Variants in L3MBTL4 observed in about 807,000 individuals in gnomAD.
L3MBTL4 encodes L3MBTL histone methyl-lysine binding protein 4.
In L3MBTL4, 70 loss-of-function variants were observed where a neutral mutation model predicts 84.5. The observed-to-expected ratio is 0.83, with a 90% CI of 0.68 to 1.01. L3MBTL4 has a LOEUF of 1.01. L3MBTL4 is among the 50% of genes least tolerant of loss of function. L3MBTL4 has a pLI of 0.00. For synonymous variants in L3MBTL4, 274 were observed against 259.8 expected (o/e 1.05, Z -0.52); for missense variants, 715 against 754.8 (o/e 0.95, Z 0.62).
At chr18:6,268,891 T>C (rs546719923) in intron 4 of L3MBTL4, among the ~76,000 whole-genome samples, 1 of 152,306 alleles carries the variant, frequency 6.6e-6, no homozygotes, top group Admixed American at 6.5e-5. Context: ...ATTTACAATA[T>C]TGAATATTAG....
At chr18:6,357,575 C>T (rs1366936363) in intron 1 of L3MBTL4, among the ~76,000 whole-genome samples, 2 of 152,164 alleles carry the variant, frequency 1.3e-5, no homozygotes, top group African/African-American at 4.8e-5. Context: ...CAAATGCTGA[C>T]TGCCAGGTTT....
At chr18:6,125,506 G>A (rs2059663937) in intron 14 of L3MBTL4, among the ~76,000 whole-genome samples, 1 of 152,116 alleles carries the variant, frequency 6.6e-6, no homozygotes, top group Admixed American at 6.5e-5. Context: ...TTGGCTCACT[G>A]CAGCGTCAAC....
rs889753445 is a variant in L3MBTL4, at chr18:5,974,081, A to G, written c.1445-4519T>C. On this transcript the variant is annotated intron_variant, in intron 16 of 18. Coordinates refer to ENST00000317931, the MANE Select transcript of L3MBTL4 (RefSeq NM_001330559.2). ...CTTCTCCTTCTAGAAAACAGAATAC[A>G]TAAAACTTGTAATGTCAGTGGTTTG... Among the ~76,000 whole-genome samples, 8 of 152,324 alleles carry G rather than the reference A, an allele frequency of 5.3e-5. No homozygotes were observed. In the East Asian group the frequency reaches 1.2e-3, roughly 22 times the overall value.
chr18:5,982,888 A>T lies in L3MBTL4; in HGVS notation c.1445-13326T>A, dbSNP rs539123520. On this transcript the variant is annotated intron_variant, in intron 16 of 18. Coordinates refer to ENST00000317931, the MANE Select transcript of L3MBTL4 (RefSeq NM_001330559.2). ...TGATGTTTTCTATCCATATTAGTAA[A>T]TATAACTACTAAGTAATTATTTCTT... 3.3e-5 allele frequency among the ~76,000 whole-genome samples: 5 copies of T among 152,360 alleles called. 1 individual carries two copies. Among genetic ancestry groups the T allele is most frequent in the African/African-American group, 1.2e-4 (5 of 41,590 alleles).
At chr18:6,014,229 C>A (rs1405706136) in intron 16 of L3MBTL4, among the ~76,000 whole-genome samples, 1 of 152,168 alleles carries the variant, frequency 6.6e-6, no homozygotes, top group Non-Finnish European at 1.5e-5. Flanking sequence ...AAGTAAAATA[C>A]TTTGTGGCAC....
At chr18:6,056,660 C>T (rs903270206) in intron 16 of L3MBTL4, among the ~76,000 whole-genome samples, 4 of 152,134 alleles carry the variant, frequency 2.6e-5, no homozygotes, top group African/African-American at 9.7e-5. Flanking sequence ...GGCTTAAAGT[C>T]AGGTCTCCAA....
At chr18:6,233,626 T>G (rs2047088759) in intron 10 of L3MBTL4, among the ~76,000 whole-genome samples, 1 of 151,890 alleles carries the variant, frequency 6.6e-6, no homozygotes, top group African/African-American at 2.4e-5. Flanking sequence ...GAAGGACTTC[T>G]TCAAGGAGAA....
At chr18:6,345,233 A>AAAAG (rs2052825468) in intron 1 of L3MBTL4, among the ~76,000 whole-genome samples, 8 of 131,584 alleles carry the variant, frequency 6.1e-5, no homozygotes, top group Non-Finnish European at 7.8e-5. Context: ...AAAAAAAAAA[A>AAAAG]AAAGAAAAAA....
intron 16 of L3MBTL4, among the ~76,000 whole-genome samples, chr18:6,050,032 T>C (rs914363885): frequency 2.6e-5 from 4 of 152,080 alleles, no homozygotes. Context: ...AAAACATAGG[T>C]GAGAGTTCAG....
intron 16 of L3MBTL4, among the ~76,000 whole-genome samples, chr18:6,071,779 A>AAGAAAG (rs1280287266): frequency 7.3e-6 from 1 of 136,322 alleles, no homozygotes; most frequent in Non-Finnish European, 1.5e-5. Context: ...GAAAGAAAGA[A>AAGAAAG]AGAAAGAAAG....
chr18:6,180,515 T>G (rs953221731), intron 12 of L3MBTL4, among the ~76,000 whole-genome samples: 52 of 152,178 alleles, frequency 3.4e-4, no homozygotes, highest in African/African-American at 1.2e-3. Flanking sequence ...TCATCTGCTT[T>G]TCCACAAATA....
intron 14 of L3MBTL4, among the ~76,000 whole-genome samples, chr18:6,116,064 G>A (rs897320024): frequency 6.6e-6 from 1 of 152,232 alleles, no homozygotes; most frequent in Non-Finnish European, 1.5e-5. Context: ...AACAACAAGA[G>A]AAGGCAAGAT....
At chr18:6,387,616 C>T (rs2144467280) in intron 1 of L3MBTL4, among the ~76,000 whole-genome samples, 1 of 152,266 alleles carries the variant, frequency 6.6e-6, no homozygotes, top group African/African-American at 2.4e-5. Context: ...GTATATTTTA[C>T]TAGTTTTCAA....
intron 16 of L3MBTL4, among the ~76,000 whole-genome samples, chr18:6,049,706 AAACT>A (rs1405825435): frequency 3.3e-5 from 5 of 152,288 alleles, no homozygotes; most frequent in African/African-American, 9.6e-5. Flanking sequence ...TAGATACTGG[AAACT>A]AATAGAGGGA....
At chr18:6,159,225 T>C (rs1397433746) in intron 13 of L3MBTL4, among the ~76,000 whole-genome samples, 1 of 152,152 alleles carries the variant, frequency 6.6e-6, no homozygotes, top group Non-Finnish European at 1.5e-5. Context: ...TCGCCCCAGG[T>C]TGGGACCTCT....
chr18:5,972,614 C>T lies in L3MBTL4; in HGVS notation c.1445-3052G>A, dbSNP rs11873081. Among the ~76,000 whole-genome samples, 1,341 of 152,132 alleles carry T rather than the reference C, an allele frequency of 8.8e-3. 21 individuals carry two copies. Among genetic ancestry groups the T allele is most frequent in the African/African-American group, 0.031 (1,275 of 41,486 alleles). On this transcript the variant is annotated intron_variant, in intron 16 of 18. Coordinates refer to ENST00000317931, the MANE Select transcript of L3MBTL4 (RefSeq NM_001330559.2). ...TAATTTGCATTTGGGGAGTGTTTCG[C>T]GGGGGCTGTTTTGCCTTCTTTGTAC... is the stretch of plus-strand genomic sequence containing the variant.
intron 12 of L3MBTL4, among the ~76,000 whole-genome samples, chr18:6,203,411 G>A (rs1467389954): frequency 6.6e-6 from 1 of 152,150 alleles, no homozygotes; most frequent in African/African-American, 2.4e-5. Flanking sequence ...CAAAATTAGG[G>A]TGTAATTGGC....
At position 5,955,908 on chromosome 18, in the gene L3MBTL4, G is replaced by A; in HGVS notation, c.*312C>T. On this transcript the variant is annotated 3_prime_UTR_variant, in exon 19 of 19. Transcript: ENST00000317931. ...AAGATGGAAAATGGTTTCTTTTCTGGTGACGGAGAAGAATAAAGGTGGATG... is the reference window on the plus strand; with the variant it reads ...AAGATGGAAAATGGTTTCTTTTCTGATGACGGAGAAGAATAAAGGTGGATG... The A allele has an allele frequency of 4.3e-6, 1 of 233,404 alleles. No homozygotes were observed. Among genetic ancestry groups the A allele is most frequent in the Non-Finnish European group, 8.2e-6 (1 of 121,346 alleles). 14.5% of individuals were successfully genotyped at this position (233,404 alleles called of 1,614,324 possible).
intron 3 of L3MBTL4, among the ~76,000 whole-genome samples, chr18:6,309,120 A>G (rs1022288568): frequency 7.2e-5 from 11 of 152,148 alleles, no homozygotes; most frequent in East Asian, 1.9e-4. Context: ...TGATCTGCCA[A>G]TGGGATGTTA....
Sources: allele counts gnomAD v4.1 joint callset (sites outside exome capture counted in the v4.1 genomes callset), GRCh38; gene constraint gnomAD v4.1.1; transcripts MANE v1.5; gene names NCBI Gene and HGNC (gene_info 2026-07-23, HGNC 2026-07-21).